The following PEX14 variants were observed in gnomAD, a reference collection of about 807,000 sequenced individuals.
PEX14 encodes peroxisomal membrane protein PEX14.
PEX14 carries 15 observed loss-of-function variants against 49.5 expected under a neutral mutation model. The ratio of observed to expected loss-of-function variants is 0.30; its 90% CI spans 0.20 to 0.47. PEX14 has a LOEUF of 0.47. Among genes scored for constraint, PEX14 ranks in the 20% least tolerant of loss-of-function variants. The pLI, the probability that PEX14 is intolerant of heterozygous loss-of-function variation, is 1.00. For synonymous variants in PEX14, 210 were observed against 212.7 expected (o/e 0.99, Z 0.11); for missense variants, 398 against 494.8 (o/e 0.80, Z 1.86).
intron 3 of PEX14, among the ~76,000 whole-genome samples, chr1:10,598,081 G>A (rs549921208): frequency 6.6e-6 from 1 of 152,310 alleles, no homozygotes; most frequent in Non-Finnish European, 1.5e-5. Flanking sequence ...GCCTCTAATG[G>A]AGAGCTGCCG....
intron 1 of PEX14, among the ~76,000 whole-genome samples, chr1:10,481,893 G>A (rs537658206): frequency 1.3e-5 from 2 of 148,674 alleles, no homozygotes; most frequent in Non-Finnish European, 3.0e-5. Context: ...GTACGATTTC[G>A]GCTCACTGCA....
At chr1:10,509,742 C>A (rs958745915) in intron 2 of PEX14, among the ~76,000 whole-genome samples, 3 of 151,990 alleles carry the variant, frequency 2.0e-5, no homozygotes, top group African/African-American at 7.3e-5. Flanking sequence ...TTTTTTCTTA[C>A]CTCTTAAGGA....
chr1:10,479,497 G>A (rs764852142), intron 1 of PEX14, among the ~76,000 whole-genome samples: 3 of 152,330 alleles, frequency 2.0e-5, no homozygotes, highest in South Asian at 2.1e-4. Context: ...GTTGGAGCCC[G>A]TAGGAATGAG....
At chr1:10,498,322 A>G (rs1180106031) in intron 2 of PEX14, among the ~76,000 whole-genome samples, 1 of 152,080 alleles carries the variant, frequency 6.6e-6, no homozygotes, top group African/African-American at 2.4e-5. Context: ...AAACAAAAGA[A>G]TGAAAATAAA....
At chr1:10,487,850 G>A (rs991775046) in intron 1 of PEX14, among the ~76,000 whole-genome samples, 3 of 151,306 alleles carry the variant, frequency 2.0e-5, no homozygotes, top group Non-Finnish European at 2.9e-5. Context: ...GCTCGATCTC[G>A]GCTTACTGCA....
chr1:10,560,568 G>T (rs369433471), intron 3 of PEX14, among the ~76,000 whole-genome samples: 1 of 150,360 alleles, frequency 6.7e-6, no homozygotes, highest in Non-Finnish European at 1.5e-5. Flanking sequence ...ATGGGGTTTC[G>T]CCATGTTGCC....
chr1:10,563,580 G>A (rs1449391149), intron 3 of PEX14, among the ~76,000 whole-genome samples: 4 of 149,780 alleles, frequency 2.7e-5, no homozygotes, highest in South Asian at 2.1e-4. Flanking sequence ...AGCCGAGATC[G>A]TGCCATTGCA....
At chr1:10,486,872 A>G (rs1641378601) in intron 1 of PEX14, among the ~76,000 whole-genome samples, 1 of 151,998 alleles carries the variant, frequency 6.6e-6, no homozygotes. Flanking sequence ...TGTTTTTAGT[A>G]GAGATGGGGT....
intron 3 of PEX14, among the ~76,000 whole-genome samples, chr1:10,554,515 G>T (rs1639430874): frequency 6.6e-6 from 1 of 152,092 alleles, no homozygotes. Context: ...GCTTCTTGAA[G>T]CTTCTGCTCC....
intron 1 of PEX14, among the ~76,000 whole-genome samples, chr1:10,476,499 C>G (rs1222300573): frequency 6.6e-6 from 1 of 152,128 alleles, no homozygotes; most frequent in Non-Finnish European, 1.5e-5. Flanking sequence ...TCCTCAGTTC[C>G]TGATTCTTTT....
At chr1:10,553,273 C>T (rs1639387393) in intron 3 of PEX14, among the ~76,000 whole-genome samples, 1 of 152,072 alleles carries the variant, frequency 6.6e-6, no homozygotes, top group Admixed American at 6.6e-5. Context: ...AGAGTCTGGG[C>T]TCACTGTCCA....
At chr1:10,584,140 G>A (rs1038908534) in intron 3 of PEX14, among the ~76,000 whole-genome samples, 41 of 152,178 alleles carry the variant, frequency 2.7e-4, no homozygotes, top group African/African-American at 9.7e-4. Flanking sequence ...AAATCCAATA[G>A]AATAGCCTGA....
intron 3 of PEX14, among the ~76,000 whole-genome samples, chr1:10,568,050 A>G (rs1180013161): frequency 6.6e-6 from 1 of 152,182 alleles, no homozygotes; most frequent in African/African-American, 2.4e-5. Context: ...CTAGCTAGAT[A>G]CTTATATTGT....
intron 2 of PEX14, among the ~76,000 whole-genome samples, chr1:10,505,655 G>A (rs1482459729): frequency 6.6e-6 from 1 of 150,610 alleles, no homozygotes; most frequent in Non-Finnish European, 1.5e-5. Context: ...AAGATTACAG[G>A]TGTGAGCCAC....
intron 2 of PEX14, among the ~76,000 whole-genome samples, chr1:10,534,592 G>A (rs142945168): frequency 2.9e-4 from 44 of 152,168 alleles, no homozygotes; most frequent in African/African-American, 9.4e-4. Context: ...TGAGTATGCC[G>A]TTTGGGGTCT....
At chr1:10,516,407 C>T (rs950174931) in intron 2 of PEX14, among the ~76,000 whole-genome samples, 1 of 152,162 alleles carries the variant, frequency 6.6e-6, no homozygotes, top group Non-Finnish European at 1.5e-5. Flanking sequence ...CTGTGGGACC[C>T]ACTAGGTTTG....
At chr1:10,563,868 C>G (rs1031809764) in intron 3 of PEX14, among the ~76,000 whole-genome samples, 2 of 151,676 alleles carry the variant, frequency 1.3e-5, no homozygotes, top group African/African-American at 2.4e-5. Flanking sequence ...GCCAACATCA[C>G]GCCACTGCAC....
intron 4 of PEX14, among the ~76,000 whole-genome samples, chr1:10,611,341 A>G (rs918328767): frequency 2.0e-5 from 3 of 152,350 alleles, no homozygotes; most frequent in African/African-American, 4.8e-5. Flanking sequence ...GGATTGGCCA[A>G]CTGGCTATAG....
chr1:10,489,278 GC>G (rs1641429143), intron 1 of PEX14, among the ~76,000 whole-genome samples: 1 of 152,196 alleles, frequency 6.6e-6, no homozygotes, highest in African/African-American at 2.4e-5. Context: ...ACCGTGCCTG[GC>G]CATGTGTTGA....
Sources: gnomAD v4.1 joint callset for allele counts (sites outside exome capture counted in the v4.1 genomes callset) on GRCh38, gnomAD v4.1.1 for gene constraint, MANE v1.5 for transcripts, NCBI Gene and HGNC (gene_info 2026-07-23, HGNC 2026-07-21) for gene names.